Variants in MIA2 observed in about 807,000 individuals in gnomAD.
The protein encoded by MIA2 is melanoma inhibitory activity protein 2.
In MIA2, 127 loss-of-function variants were observed where a neutral mutation model predicts 167.8. That is an observed-to-expected ratio of 0.76 (90% CI 0.66 to 0.88). The LOEUF is 0.88. Among genes scored for constraint, MIA2 ranks in the 40% least tolerant of loss-of-function variants. The pLI, the probability that MIA2 is intolerant of heterozygous loss-of-function variation, is 0.00. For missense variants in MIA2, 1,690 were observed against 1,624.7 expected, an observed-to-expected ratio of 1.04 and a Z score of -0.69; for synonymous variants, 552 against 541.9, an observed-to-expected ratio of 1.02 and a Z score of -0.26.
intron 6 of MIA2, chr14:39,266,676 T>G: frequency 1.0e-6 from 1 of 985,568 alleles, no homozygotes; most frequent in East Asian, 1.1e-4. Flanking sequence ...GCAGGCCATT[T>G]TTCTGACTGG....
At chr14:39,328,168 G>A (rs375091308) in intron 25 of MIA2, among the ~76,000 whole-genome samples, 3 of 152,150 alleles carry the variant, frequency 2.0e-5, no homozygotes, top group African/African-American at 4.8e-5. Flanking sequence ...ATTCTGACTG[G>A]CGTGAGATGG....
chr14:39,363,637 C>T (rs2074748149), intron 23 of MIA2, among the ~76,000 whole-genome samples: 1 of 152,244 alleles, frequency 6.6e-6, no homozygotes, highest in African/African-American at 2.4e-5. Context: ...GCATTGGTGT[C>T]TGTGTCTCCC....
chr14:39,268,890 T>C (rs2056555682), intron 6 of MIA2: 1 of 516,364 alleles, frequency 1.9e-6, no homozygotes, highest in Non-Finnish European at 2.5e-6. Flanking sequence ...TGGTAACTTA[T>C]TCATGGAGGT....
downstream of MIA2, among the ~76,000 whole-genome samples, chr14:39,353,666 AC>A (rs1318617750): frequency 3.2e-4 from 49 of 152,176 alleles, no homozygotes; most frequent in South Asian, 5.8e-3. Context: ...GGTGTGCTGC[AC>A]CCATTAACTC....
chr14:39,319,086 G>A (rs2065964599), intron 22 of MIA2, 123 bp from the exon 23 acceptor site: 2 of 453,660 alleles, frequency 4.4e-6, no homozygotes, highest in Admixed American at 7.5e-5. Context: ...TAATTTTAGA[G>A]GATCTGTTTG....
downstream of MIA2, among the ~76,000 whole-genome samples, chr14:39,352,886 A>T (rs1260641692): frequency 6.6e-6 from 1 of 152,144 alleles, no homozygotes; most frequent in Non-Finnish European, 1.5e-5. Context: ...AATACTTCAA[A>T]TTTAATCTTT....
chr14:39,382,395 C>G (rs2075183661), intron 23 of MIA2, among the ~76,000 whole-genome samples: 1 of 152,196 alleles, frequency 6.6e-6, no homozygotes, highest in African/African-American at 2.4e-5. Context: ...CCAAAAAGTT[C>G]CTGAGACAAG....
At chr14:39,334,786 T>C (rs1235416353) in intron 25 of MIA2, among the ~76,000 whole-genome samples, 1 of 152,134 alleles carries the variant, frequency 6.6e-6, no homozygotes, top group Admixed American at 6.5e-5. Context: ...CAGGCTTGTC[T>C]CGAACTCCTG....
intron 6 of MIA2, chr14:39,267,072 C>T (rs2055859794): frequency 9.3e-7 from 1 of 1,074,594 alleles, no homozygotes; most frequent in South Asian, 2.7e-5. Flanking sequence ...AGCAAACGAC[C>T]CGGACACGTC....
At chr14:39,268,942 A>C in intron 6 of MIA2, 1 of 921,988 alleles carries the variant, frequency 1.1e-6, no homozygotes, top group Non-Finnish European at 1.3e-6. Context: ...TTCTTCACTA[A>C]AAACAATAAT....
At chr14:39,269,318 A>G (rs2056697875) in intron 6 of MIA2, among the ~76,000 whole-genome samples, 1 of 151,950 alleles carries the variant, frequency 6.6e-6, no homozygotes. Flanking sequence ...CCCAGAAAAT[A>G]AACTCTACTG....
Position 39,285,246 on chromosome 14 carries a change from G to A in MIA2, c.2130+5709G>A, listed in dbSNP as rs543938327. Among the ~76,000 whole-genome samples the A allele has an allele frequency of 7.9e-5, 12 of 152,120 alleles. 1 individual carries two copies. The South Asian group carries it at 1.2e-3, about 16-fold the overall frequency. On this transcript the variant is annotated intron_variant, in intron 9 of 28. Transcript: ENST00000640607. ...AAAACCGCCATCGTCATCCTGGCCC[G>A]TTCTCAATGAGCTGTTGGGTACACC...
chr14:39,268,954 A>G, intron 6 of MIA2: 5 of 934,584 alleles, frequency 5.3e-6, no homozygotes, highest in East Asian at 1.2e-4. Context: ...AACAATAATA[A>G]TCAAGATTTA....
At chr14:39,357,595 A>G (rs1171579860) in intron 23 of MIA2, among the ~76,000 whole-genome samples, 1 of 152,136 alleles carries the variant, frequency 6.6e-6, no homozygotes, top group African/African-American at 2.4e-5. Flanking sequence ...CCCTGTCATT[A>G]TGATGTTAGC....
At chr14:39,313,283 A>G (rs2064684447) in intron 18 of MIA2, 57 bp from the exon 19 acceptor site, 16 of 855,132 alleles carry the variant, frequency 1.9e-5, no homozygotes, top group East Asian at 2.8e-5. Flanking sequence ...TTAAAAATAT[A>G]GAATTGATTA....
At chr14:39,267,736 C>T (rs778574923) in intron 6 of MIA2, among the ~76,000 whole-genome samples, 37 of 152,206 alleles carry the variant, frequency 2.4e-4, no homozygotes, top group Non-Finnish European at 4.3e-4. Flanking sequence ...GGACCTGGGG[C>T]TCTGGGAAGG....
intron 24 of MIA2, among the ~76,000 whole-genome samples, chr14:39,326,273 C>G (rs2067531446): frequency 6.6e-6 from 1 of 152,162 alleles, no homozygotes; most frequent in Non-Finnish European, 1.5e-5. Flanking sequence ...GCCAGTTTAT[C>G]TGTTGTACAT....
At chr14:39,343,283 C>T (rs1256721872) in intron 25 of MIA2, among the ~76,000 whole-genome samples, 5 of 151,962 alleles carry the variant, frequency 3.3e-5, no homozygotes, top group Admixed American at 6.6e-5. Flanking sequence ...TAGCTGGGAT[C>T]GCAGGCCTGT....
At chr14:39,317,836 G>GAT (rs897025722) in intron 21 of MIA2, 108 bp from the exon 22 acceptor site, 36 of 649,410 alleles carry the variant, frequency 5.5e-5, no homozygotes, top group Admixed American at 1.4e-4. Flanking sequence ...CCATTGTTGT[G>GAT]ATATATATAT....
Sources: allele counts gnomAD v4.1 joint callset (sites outside exome capture counted in the v4.1 genomes callset), GRCh38; gene constraint gnomAD v4.1.1; transcripts MANE v1.5; gene names NCBI Gene and HGNC (gene_info 2026-07-23, HGNC 2026-07-21).